The following CHRNA2 variants were observed in gnomAD, a reference collection of about 807,000 sequenced individuals.
CHRNA2 encodes the protein neuronal acetylcholine receptor subunit alpha-2.
In CHRNA2, 40 loss-of-function variants were observed where a neutral mutation model predicts 45.5. The observed-to-expected ratio is 0.88, with a 90% CI of 0.68 to 1.15. The LOEUF (loss-of-function observed/expected upper bound fraction) is 1.15. CHRNA2 is among the 50% of genes most tolerant of loss of function. CHRNA2 has a pLI of 0.00. For missense variants in CHRNA2, 655 were observed against 701.7 expected, an observed-to-expected ratio of 0.93 and a Z score of 0.75; for synonymous variants, 301 against 296.7, an observed-to-expected ratio of 1.01 and a Z score of -0.15.
intron 5 of CHRNA2, 80 bp downstream of exon 5, chr8:27,467,149 G>GGGGCCCCTCCCAAGGCCATGGACC: frequency 4.6e-6 from 5 of 1,085,222 alleles, no homozygotes; most frequent in Non-Finnish European, 7.1e-6. Flanking sequence ...TGACACCAGG[G>GGGGCCCCTCCCAAGGCCATGGACC]GGGCCCCTCC....
rs557637872 is a variant in CHRNA2 at position 27,467,129 on chromosome 8, G to C, written c.449+100C>G. On this transcript the variant is annotated intron_variant, in intron 5 of 6. Coordinates refer to ENST00000407991, the MANE Select transcript of CHRNA2 (RefSeq NM_000742.4). ...GCTCAGCACAGCAGTCGAGAAGGAG[G>C]CGAGGAAGCTGACACCAGGGGGGCC... The C allele has an allele frequency of 4.8e-5, 39 of 810,216 alleles. No homozygotes were observed. In the African/African-American group the frequency reaches 5.9e-4, roughly 12 times the overall value. The allele number at this position is 810,216 out of a possible 1,614,324, so 50.2% of individuals were successfully genotyped here. A position where few individuals can be genotyped will look rare whatever the true frequency, so the allele number is the denominator to read the frequency against.
At chr8:27,469,290 G>T in intron 4 of CHRNA2, 45 bp downstream of exon 4, 1 of 1,539,574 alleles carries the variant, frequency 6.5e-7, no homozygotes, top group Non-Finnish European at 8.8e-7. Context: ...GGGGTCCATG[G>T]ATTCCCGGTA....
intron 1 of CHRNA2, among the ~76,000 whole-genome samples, chr8:27,478,363 C>T (rs191189792): frequency 6.6e-6 from 1 of 152,216 alleles, no homozygotes; most frequent in Non-Finnish European, 1.5e-5. Flanking sequence ...ACCACACCAG[C>T]TGATGGAGGA....
rs1298722796 is a variant in CHRNA2 at position 27,463,460 on chromosome 8, A to G, written c.983T>C (p.Ile328Thr). 1 of 1,614,172 alleles carries G rather than the reference A, an allele frequency of 6.2e-7. No homozygotes were observed. Among genetic ancestry groups the G allele is most frequent in the Non-Finnish European group, 8.5e-7 (1 of 1,180,032 alleles). The change falls in exon 6 of 7, where the codon ATC (isoleucine) becomes ACC (threonine). Residue 328 changes from isoleucine (I) to threonine (T), a missense_variant. Coordinates refer to ENST00000407991, the MANE Select transcript of CHRNA2 (RefSeq NM_000742.4). The surrounding 1 kb of genome is among the most constrained non-coding windows in gnomAD (Gnocchi z 6.1). ...CATGGTGAACAGCAGGTACTCGCCG[A>G]TGAGCGGGATGACCAGCGAGGTGGA... Reference protein sequence around the residue: ...IPSTSLVIPLIGEYLLFTMIF... With the variant: ...IPSTSLVIPLTGEYLLFTMIF...
chr8:27,465,437 AAAAAT>A (rs1462913955), intron 5 of CHRNA2, among the ~76,000 whole-genome samples: 42 of 151,574 alleles, frequency 2.8e-4, no homozygotes, highest in African/African-American at 9.3e-4. Context: ...AAAAGTTAAA[AAAAAT>A]TTTTTTTTGA....
At position 27,463,116 on chromosome 8, in the gene CHRNA2, G is replaced by T; in HGVS notation, c.1327C>A (p.His443Asn). ...GCCTTGGGACCTGAGGCCCCAGAGT[G>T]CAGGTGGCCGTGGCTGCAGAGGGTG... is the stretch of plus-strand genomic sequence containing the variant. ...VGTLCSHGHL[H>N]SGASGPKAEA... The change falls in exon 6 of 7, where the codon CAC (histidine) becomes AAC (asparagine). Residue 443 changes from histidine (H) to asparagine (N), a missense_variant. Physicochemically the swap from His to Asn is moderately conservative, Grantham distance 68. Transcript: ENST00000407991. The surrounding 1 kb of genome is among the most constrained non-coding windows in gnomAD (Gnocchi z 6.1). 4 of 1,609,150 alleles carry T rather than the reference G, an allele frequency of 2.5e-6. No individual in the cohort carries two copies. The highest frequency in any genetic ancestry group is 3.4e-6 in the Non-Finnish European group (4 of 1,175,836).
intron 1 of CHRNA2, among the ~76,000 whole-genome samples, chr8:27,478,487 T>C (rs904879863): frequency 6.6e-6 from 1 of 152,152 alleles, no homozygotes. Context: ...TTTAGCCCTT[T>C]TAAAGGACAT....
chr8:27,477,693 T>G (rs1214435825), intron 1 of CHRNA2, among the ~76,000 whole-genome samples: 1 of 151,424 alleles, frequency 6.6e-6, no homozygotes, highest in East Asian at 1.9e-4. Flanking sequence ...GTTAGGAAGA[T>G]GTCAAAAAAA....
chr8:27,473,534 CCGT>C (rs1812963915), intron 1 of CHRNA2, among the ~76,000 whole-genome samples: 2 of 84,508 alleles, frequency 2.4e-5, no homozygotes, highest in African/African-American at 7.7e-5. Flanking sequence ...ACCCCCCCCG[CCGT>C]CTCTACAAAA....
intron 5 of CHRNA2, among the ~76,000 whole-genome samples, chr8:27,465,510 C>T (rs976966201): frequency 2.0e-5 from 3 of 152,008 alleles, no homozygotes; most frequent in Non-Finnish European, 4.4e-5. Flanking sequence ...CGGCTCACTA[C>T]AACCTCTGCC....
At chr8:27,464,950 G>T (rs1466208328) in intron 5 of CHRNA2, among the ~76,000 whole-genome samples, 1 of 152,180 alleles carries the variant, frequency 6.6e-6, no homozygotes. Flanking sequence ...GGCAGTCTGG[G>T]TGCTCCCCAG....
rs779197511 is a variant in CHRNA2, at chr8:27,463,543, G to T, written c.900C>A (p.Cys300Ter). ...CGGTGAGTGACAGCAGCACCGAAAT[G>T]CACAGCGTGATCTTCTCGCCGCAGT... ...PSDCGEKITLCISVLLSLTVF... is the reference protein window; with the variant it reads ...PSDCGEKITL The change falls in exon 6 of 7, where the codon TGC (cysteine) becomes TGA (stop). Residue 300 changes from cysteine (C) to a stop codon, truncating the protein, a stop_gained. Transcript: ENST00000407991. LOFTEE classifies it high-confidence loss of function. This position sits in a 1 kb window ranked among gnomAD's most constrained non-coding sequence, Gnocchi z 6.1. 1.2e-6 allele frequency: 2 copies of T among 1,614,232 alleles called. No individual in the cohort carries two copies. Among genetic ancestry groups the T allele is most frequent in the Non-Finnish European group, 1.7e-6 (2 of 1,180,048 alleles).
rs1470420144 is a variant in CHRNA2 at position 27,463,053 on chromosome 8, G to A, written c.1390C>T (p.Pro464Ser). The change falls in exon 6 of 7, where the codon CCC (proline) becomes TCC (serine). Residue 464 changes from proline to serine, a missense_variant. By Grantham distance (74) the Pro-to-Ser change is moderately conservative. Coordinates refer to ENST00000407991, the MANE Select transcript of CHRNA2 (RefSeq NM_000742.4). The surrounding 1 kb of genome is among the most constrained non-coding windows in gnomAD (Gnocchi z 6.1). ...LLQEGELLLS[P>S]HMQKALEGVH... ...CCTTCCAGTGCCTTCTGCATGTGGG[G>A]TGATAGCAGCAGCTCACCCTCCTGC... 1.2e-6 allele frequency: 2 copies of A among 1,613,656 alleles called. No individual in the cohort carries two copies. The highest frequency in any genetic ancestry group is 1.1e-5 in the South Asian group (1 of 91,070).
rs745399034 is a variant in CHRNA2, at chr8:27,467,325, T to C, written c.353A>G (p.Tyr118Cys). 1 of 1,612,786 alleles carries C rather than the reference T, an allele frequency of 6.2e-7. No individual in the cohort carries two copies. Among genetic ancestry groups the C allele is most frequent in the East Asian group, 2.2e-5 (1 of 44,850 alleles). Residue 118 changes from tyrosine to cysteine, a missense_variant, in exon 5 of 7, where the codon TAC becomes TGC. Physicochemically the swap from Tyr to Cys is radical, Grantham distance 194. Coordinates refer to ENST00000407991, the MANE Select transcript of CHRNA2 (RefSeq NM_000742.4). ...NVWLKQEWSD[Y>C]KLRWNPTDFG... is the part of the protein sequence containing the mutation. ...ATCAGTGGGGTTCCAGCGCAGTTTG[T>C]AGTCGCTCCACTCCTGTGTGTGGGG...
chr8:27,476,516 G>A (rs1000796855), intron 1 of CHRNA2, among the ~76,000 whole-genome samples: 3 of 152,194 alleles, frequency 2.0e-5, no homozygotes, highest in African/African-American at 2.4e-5. Flanking sequence ...TAATACCCAG[G>A]GGAAACTGCA....
chr8:27,461,710 G>A lies in CHRNA2; in HGVS notation c.1509C>T (p.Ile503=), dbSNP rs746176483. 5 of 1,614,128 alleles carry A rather than the reference G, an allele frequency of 3.1e-6. No individual in the cohort carries two copies. The South Asian group carries it at 5.5e-5, about 18-fold the overall frequency. Residue 503 remains isoleucine (I), a synonymous_variant, in exon 7 of 7, where the codon ATC becomes ATT. Coordinates refer to ENST00000407991, the MANE Select transcript of CHRNA2 (RefSeq NM_000742.4). Reference sequence around the variant, plus strand: ...AGACGATGATAAACAGCCAGAGGAAGATCCTGTCGATGACCATGGCAACAT... The same window carrying A: ...AGACGATGATAAACAGCCAGAGGAAAATCCTGTCGATGACCATGGCAACAT... ...WKYVAMVIDR[I]FLWLFIIVCF...
chr8:27,466,342 T>A (rs1563320526), intron 5 of CHRNA2, among the ~76,000 whole-genome samples: 2 of 152,162 alleles, frequency 1.3e-5, no homozygotes, highest in African/African-American at 4.8e-5. Context: ...ATCAAATGAA[T>A]TGGGAAATGC....
chr8:27,470,660 G>A (rs576626974), intron 2 of CHRNA2, among the ~76,000 whole-genome samples: 1 of 152,368 alleles, frequency 6.6e-6, no homozygotes, highest in East Asian at 1.9e-4. Context: ...AGAAAGCGCT[G>A]TGTCCCGAGT....
At chr8:27,475,464 A>G (rs1227617034) in intron 1 of CHRNA2, 1 of 152,416 alleles carries the variant, frequency 6.6e-6, no homozygotes, top group Admixed American at 6.5e-5. Context: ...CAAAGACATT[A>G]TGATTCCTTT....
Sources: allele counts gnomAD v4.1 joint callset (sites outside exome capture counted in the v4.1 genomes callset), GRCh38; gene constraint gnomAD v4.1.1; non-coding constraint Gnocchi (gnomAD v3.1); transcripts MANE v1.5; gene names NCBI Gene and HGNC (gene_info 2026-07-23, HGNC 2026-07-21).